The following NEDD4L variants were observed in gnomAD, a reference collection of about 807,000 sequenced individuals.
NEDD4L encodes E3 ubiquitin-protein ligase NEDD4-like.
In NEDD4L, 54 loss-of-function variants were observed where a neutral mutation model predicts 148.9. The ratio of observed to expected loss-of-function variants is 0.36; its 90% CI spans 0.29 to 0.45. The LOEUF is 0.45. Ranked by LOEUF, NEDD4L falls within the 20% of genes least tolerant of loss-of-function variation. The pLI is 1.00. For missense variants in NEDD4L, 856 were observed against 1,233.8 expected, an observed-to-expected ratio of 0.69 and a Z score of 4.59; for synonymous variants, 433 against 440.7, an observed-to-expected ratio of 0.98 and a Z score of 0.22.
At chr18:58,160,256 G>A (rs188389550) in intron 1 of NEDD4L, among the ~76,000 whole-genome samples, 9 of 152,310 alleles carry the variant, frequency 5.9e-5, no homozygotes, top group East Asian at 1.9e-4. Context: ...TGACGCTCTC[G>A]CAACTGAACC....
At chr18:58,390,587 C>A in intron 28 of NEDD4L, 59 bp from the exon 29 acceptor site, 2 of 1,047,664 alleles carry the variant, frequency 1.9e-6, no homozygotes, top group Non-Finnish European at 2.9e-6. Context: ...GCCTGCATGA[C>A]AGCAGCATGT....
intron 16 of NEDD4L, among the ~76,000 whole-genome samples, chr18:58,347,221 C>CCA (rs2043205956): frequency 1.7e-4 from 16 of 94,314 alleles, no homozygotes; most frequent in Non-Finnish European, 2.6e-4. Flanking sequence ...CCCGCCCCCC[C>CCA]CCCCCCTTTA....
chr18:58,197,720 A>G (rs901331190), intron 2 of NEDD4L: 1 of 152,410 alleles, frequency 6.6e-6, no homozygotes, highest in African/African-American at 2.4e-5. Flanking sequence ...GGGCATGGCC[A>G]GTTTTCTCTT....
At chr18:58,389,484 G>A (rs1305742233) in intron 28 of NEDD4L, 1 of 262,906 alleles carries the variant, frequency 3.8e-6, no homozygotes, top group East Asian at 6.9e-5. Flanking sequence ...GTCCTCCAAT[G>A]CGTAAATAGA....
At chr18:58,145,810 T>C (rs1273935542) in intron 1 of NEDD4L, among the ~76,000 whole-genome samples, 1 of 152,226 alleles carries the variant, frequency 6.6e-6, no homozygotes, top group East Asian at 1.9e-4. Context: ...CCTCCTTCTC[T>C]CAGACCACCT....
intron 9 of NEDD4L, among the ~76,000 whole-genome samples, chr18:58,326,637 A>T (rs1568708147): frequency 6.6e-6 from 1 of 152,236 alleles, no homozygotes; most frequent in Non-Finnish European, 1.5e-5. Flanking sequence ...GCTCAACAGC[A>T]TGAGAAAGGA....
intron 1 of NEDD4L, among the ~76,000 whole-genome samples, chr18:58,063,524 A>G (rs977980993): frequency 4.7e-5 from 7 of 150,196 alleles, no homozygotes; most frequent in Non-Finnish European, 8.9e-5. Context: ...AGTTTTTCTA[A>G]TATTGCTTTT....
intron 5 of NEDD4L, among the ~76,000 whole-genome samples, chr18:58,301,966 G>A (rs985827896): frequency 1.3e-5 from 2 of 152,152 alleles, no homozygotes; most frequent in Non-Finnish European, 1.5e-5. Flanking sequence ...ACATCCCCTT[G>A]TTGCCCCTGC....
intron 5 of NEDD4L, among the ~76,000 whole-genome samples, chr18:58,264,656 G>A (rs781608092): frequency 2.0e-5 from 3 of 151,928 alleles, no homozygotes; most frequent in African/African-American, 7.2e-5. Context: ...GACATTTGTG[G>A]CATCTGTGTG....
chr18:58,357,092 G>A, intron 18 of NEDD4L, 102 bp from the exon 19 acceptor site: 1 of 1,079,710 alleles, frequency 9.3e-7, no homozygotes, highest in Non-Finnish European at 1.4e-6. Context: ...GGACTGGACA[G>A]CTTTTGAAGA....
At chr18:58,139,195 C>T (rs1451440306) in intron 1 of NEDD4L, among the ~76,000 whole-genome samples, 2 of 152,154 alleles carry the variant, frequency 1.3e-5, no homozygotes, top group African/African-American at 4.8e-5. Flanking sequence ...TTTCTGTAGT[C>T]TTTGACTGCA....
At chr18:58,179,297 C>T (rs977558606) in intron 2 of NEDD4L, among the ~76,000 whole-genome samples, 2 of 152,156 alleles carry the variant, frequency 1.3e-5, no homozygotes, top group Non-Finnish European at 2.9e-5. Flanking sequence ...TTTTGTTTGT[C>T]CTTACATAGT....
intron 5 of NEDD4L, chr18:58,255,732 T>A: frequency 8.1e-7 from 1 of 1,232,328 alleles, no homozygotes. Context: ...GAAGACGACT[T>A]CTTCATGGCA....
chr18:58,138,804 C>T (rs975468516), intron 1 of NEDD4L, among the ~76,000 whole-genome samples: 1 of 152,196 alleles, frequency 6.6e-6, no homozygotes, highest in Non-Finnish European at 1.5e-5. Flanking sequence ...TTCACAAGGG[C>T]GCCATCCTCA....
In NEDD4L at chr18:58,300,713, G is replaced by A. The variant is rs1267128242; in HGVS notation, c.298-15269G>A. ...CAGCTCAGTTCAGTGCAGTATTACC[G>A]AATTCCAGTATATGCTGGGCTCTGT... On this transcript the variant is annotated intron_variant, in intron 5 of 30. Transcript: ENST00000400345. 6.6e-5 allele frequency among the ~76,000 whole-genome samples: 10 copies of A among 152,160 alleles called. No individual in the cohort carries two copies. The South Asian group carries it at 8.3e-4, about 13-fold the overall frequency.
At chr18:58,246,873 G>T (rs1366753085) in intron 3 of NEDD4L, among the ~76,000 whole-genome samples, 2 of 152,046 alleles carry the variant, frequency 1.3e-5, no homozygotes, top group Non-Finnish European at 2.9e-5. Context: ...GAAGATGCAT[G>T]TTCTCTATTA....
At chr18:58,175,253 G>A (rs966222556) in intron 2 of NEDD4L, among the ~76,000 whole-genome samples, 1 of 152,264 alleles carries the variant, frequency 6.6e-6, no homozygotes, top group Admixed American at 6.5e-5. Flanking sequence ...ATGGCTAGAG[G>A]TGTGTGCTGG....
intron 2 of NEDD4L, among the ~76,000 whole-genome samples, chr18:58,167,324 C>G (rs189970175): frequency 6.6e-6 from 1 of 152,296 alleles, no homozygotes; most frequent in Admixed American, 6.5e-5. Flanking sequence ...GCAGAAGGAT[C>G]CCTGCTTCCC....
At chr18:58,351,612 C>A (rs1011859788) in intron 18 of NEDD4L, among the ~76,000 whole-genome samples, 1 of 152,068 alleles carries the variant, frequency 6.6e-6, no homozygotes, top group African/African-American at 2.4e-5. Flanking sequence ...TTTCTCATTC[C>A]AACTAAAAGT....
Sources: gnomAD v4.1 joint callset for allele counts (sites outside exome capture counted in the v4.1 genomes callset) on GRCh38, gnomAD v4.1.1 for gene constraint, MANE v1.5 for transcripts, NCBI Gene and HGNC (gene_info 2026-07-23, HGNC 2026-07-21) for gene names.